KCNMA1: variants seen among roughly 807,000 people sequenced by gnomAD.
The protein encoded by KCNMA1 is Calcium-activated potassium channel subunit alpha-1.
Under a neutral mutation model 140.0 loss-of-function variants are expected in KCNMA1, and 29 were observed. The observed-to-expected ratio is 0.21, with a 90% CI of 0.15 to 0.28. The LOEUF (loss-of-function observed/expected upper bound fraction) is 0.28. Among genes scored for constraint, KCNMA1 ranks in the 10% least tolerant of loss-of-function variants. The pLI is 1.00. For missense variants in KCNMA1, 880 were observed against 1,602.2 expected (o/e 0.55, Z 7.70); for synonymous variants, 612 against 611.9 (o/e 1.00, Z 0.00).
At chr10:77,571,862 G>A (rs1457099468) in intron 1 of KCNMA1, among the ~76,000 whole-genome samples, 1 of 152,154 alleles carries the variant, frequency 6.6e-6, no homozygotes, top group African/African-American at 2.4e-5. Flanking sequence ...GGTCTTTGGA[G>A]CCCAGAGTTC....
chr10:77,493,225 C>T (rs2040580777), intron 1 of KCNMA1, among the ~76,000 whole-genome samples: 1 of 152,252 alleles, frequency 6.6e-6, no homozygotes. Flanking sequence ...CAAGGGCACC[C>T]CGGCTAATCA....
intron 2 of KCNMA1, among the ~76,000 whole-genome samples, chr10:77,303,964 C>A (rs1489832323): frequency 1.3e-5 from 2 of 152,214 alleles, no homozygotes; most frequent in Non-Finnish European, 2.9e-5. Flanking sequence ...CAGATACTAT[C>A]TTTGATATCA....
At chr10:77,079,799 C>A in intron 12 of KCNMA1, 1 of 554,650 alleles carries the variant, frequency 1.8e-6, no homozygotes, top group South Asian at 2.0e-5. Flanking sequence ...CATGGCAACA[C>A]CCAGGAGGTT....
Position 77,403,989 on chromosome 10 carries a change from G to A in KCNMA1, c.413C>T (p.Ala138Val), listed in dbSNP as rs144215383. The change falls in exon 2 of 28, where the codon GCG (alanine) becomes GTG (valine). Residue 138 changes from alanine to valine, a missense_variant. Ala to Val is a moderately conservative substitution (Grantham distance 64). Around this residue, in one of 13 missense-constraint regions of KCNMA1, gnomAD observed 54 missense variants for 56.4 expected, o/e 0.96. Coordinates refer to ENST00000286628, the MANE Select transcript of KCNMA1 (RefSeq NM_001161352.2). ...AQKINNGSSQ[A>V]DGTLKPVDEK... ...ATCCACTGGTTTGAGAGTGCCATCC[G>A]CCTGGCTTGAGCCATTGTTAATCTT... 3.3e-4 allele frequency: 532 copies of A among 1,614,106 alleles called. 3 individuals carry two copies. The African/African-American group carries it at 5.8e-3, about 18-fold the overall frequency.
At chr10:77,410,097 TCA>T (rs2096585610) in intron 1 of KCNMA1, among the ~76,000 whole-genome samples, 1 of 152,088 alleles carries the variant, frequency 6.6e-6, no homozygotes, top group Non-Finnish European at 1.5e-5. Context: ...GCCAGAGCCC[TCA>T]CAGAACGCAG....
In KCNMA1 at chr10:77,460,225, T is replaced by C. The variant is rs79367714; in HGVS notation, c.379-56202A>G. ...ATGAATGTTCGTTGATAAAGTCTGC[T>C]GCGCTCTCCCACCTCTCAGATTCTT... is the stretch of plus-strand genomic sequence containing the variant. On this transcript the variant is annotated intron_variant, in intron 1 of 27. Coordinates refer to ENST00000286628, the MANE Select transcript of KCNMA1 (RefSeq NM_001161352.2). Among the ~76,000 whole-genome samples, 689 of 152,354 alleles carry C rather than the reference T, an allele frequency of 4.5e-3. 6 individuals carry two copies. The highest frequency in any genetic ancestry group is 0.016 in the African/African-American group (649 of 41,576).
At position 77,108,668 on chromosome 10, in the gene KCNMA1, A is replaced by C. The variant is rs1596122709; in HGVS notation, c.1132-96T>G. The C allele has an allele frequency of 1.1e-6, 1 of 916,490 alleles. No individual in the cohort carries two copies. Among genetic ancestry groups the C allele is most frequent in the Middle Eastern group, 2.9e-4 (1 of 3,448 alleles). The allele number at this position is 916,490 out of a possible 1,614,324, so 56.8% of individuals were successfully genotyped here. A position where few individuals can be genotyped will look rare whatever the true frequency, so the allele number is the denominator to read the frequency against. On this transcript the variant is annotated intron_variant, in intron 8 of 27. Coordinates refer to ENST00000286628, the MANE Select transcript of KCNMA1 (RefSeq NM_001161352.2). This position sits in a 1 kb window ranked among gnomAD's most constrained non-coding sequence, Gnocchi z 4.6. ...TGGGGGCACTAAGATCTGAAAACAC[A>C]AAAGGATTAGGCCTGCAAAGGTATA...
chr10:77,262,118 T>C (rs2062176928), intron 2 of KCNMA1, among the ~76,000 whole-genome samples: 3 of 152,330 alleles, frequency 2.0e-5, no homozygotes, highest in Admixed American at 6.5e-5. Context: ...CAAATACTTA[T>C]ATGCCCATGT....
intron 25 of KCNMA1, 66 bp from the exon 26 acceptor site, chr10:76,891,785 C>T (rs2040180560): frequency 1.5e-6 from 2 of 1,339,270 alleles, no homozygotes; most frequent in Admixed American, 1.7e-5. Context: ...TGACAGCCGA[C>T]ATCCAAATTA....
rs916221930 is a variant in KCNMA1, at chr10:77,504,474, G to A, written c.379-100451C>T. On this transcript the variant is annotated intron_variant, in intron 1 of 27. Transcript: ENST00000286628. ...TTGCAAACTTTCCCATGACAGCCCTGAAGGCAGAAAAGAAGAAACTTTTAC... is the reference window on the plus strand; with the variant it reads ...TTGCAAACTTTCCCATGACAGCCCTAAAGGCAGAAAAGAAGAAACTTTTAC... 3.9e-5 allele frequency among the ~76,000 whole-genome samples: 6 copies of A among 152,288 alleles called. No homozygotes were observed. The South Asian group carries it at 6.2e-4, about 16-fold the overall frequency.
chr10:77,080,350 G>A (rs2096533952), intron 12 of KCNMA1, among the ~76,000 whole-genome samples: 1 of 152,152 alleles, frequency 6.6e-6, no homozygotes, highest in Non-Finnish European at 1.5e-5. Context: ...TAATACTACT[G>A]CTTCAATAAA....
intron 5 of KCNMA1, among the ~76,000 whole-genome samples, chr10:77,161,254 TTTTG>T (rs1421778859): frequency 6.6e-6 from 1 of 151,952 alleles, no homozygotes; most frequent in Admixed American, 6.6e-5. Flanking sequence ...TCCTAGTGAG[TTTTG>T]TTTAAGAGAC....
chr10:77,060,488 G>C (rs1364393450), intron 14 of KCNMA1, among the ~76,000 whole-genome samples: 1 of 152,104 alleles, frequency 6.6e-6, no homozygotes, highest in African/African-American at 2.4e-5. Flanking sequence ...CAGAGTACTT[G>C]TTTTCTAGTT....
chr10:77,461,878 T>C (rs1187673217), intron 1 of KCNMA1, among the ~76,000 whole-genome samples: 1 of 152,186 alleles, frequency 6.6e-6, no homozygotes, highest in African/African-American at 2.4e-5. Flanking sequence ...TGTTCATGCC[T>C]ATCTAAGTCA....
intron 19 of KCNMA1, among the ~76,000 whole-genome samples, chr10:76,971,974 G>GGTGTGTGTGTGT (rs57558756): frequency 6.7e-6 from 1 of 148,896 alleles, no homozygotes; most frequent in African/African-American, 2.5e-5. Flanking sequence ...AGGGTGTGTG[G>GGTGTGTGTGTGT]GTGTGTGTGT....
intron 2 of KCNMA1, among the ~76,000 whole-genome samples, chr10:77,307,539 AG>A (rs1435994505): frequency 1.3e-5 from 2 of 152,148 alleles, no homozygotes; most frequent in African/African-American, 2.4e-5. Context: ...TTAAGGTTTA[AG>A]GCTAGGCTAA....
intron 1 of KCNMA1, among the ~76,000 whole-genome samples, chr10:77,446,563 G>A (rs1331368189): frequency 6.6e-6 from 1 of 152,252 alleles, no homozygotes; most frequent in Non-Finnish European, 1.5e-5. Flanking sequence ...AGGATGAGCT[G>A]AGCCTTGAAA....
chr10:77,438,998 C>A (rs926485536), intron 1 of KCNMA1, among the ~76,000 whole-genome samples: 1 of 149,400 alleles, frequency 6.7e-6, no homozygotes, highest in African/African-American at 2.5e-5. Context: ...ATGACTTGAA[C>A]CCGGGAGGCC....
chr10:77,200,624 A>T (rs2042150982), intron 3 of KCNMA1, among the ~76,000 whole-genome samples: 1 of 148,104 alleles, frequency 6.8e-6, no homozygotes, highest in South Asian at 2.1e-4. Context: ...ATGACAGCAC[A>T]TGTCTCTTAA....
Sources: allele counts gnomAD v4.1 joint callset (sites outside exome capture counted in the v4.1 genomes callset), GRCh38; gene constraint gnomAD v4.1.1; regional missense constraint gnomAD v4.1.1; non-coding constraint Gnocchi (gnomAD v3.1); transcripts MANE v1.5; gene names NCBI Gene and HGNC (gene_info 2026-07-23, HGNC 2026-07-21).